POC1B: variants seen among roughly 807,000 people sequenced by gnomAD.
POC1B encodes POC1 centriolar protein homolog B.
Under a neutral mutation model 60.6 loss-of-function variants are expected in POC1B, and 44 were observed. The observed-to-expected ratio is 0.73, with a 90% CI of 0.57 to 0.93. The LOEUF (loss-of-function observed/expected upper bound fraction) is 0.93, where lower values mean the gene tolerates loss of function less well. POC1B is among the 40% of genes least tolerant of loss of function. The probability of loss-of-function intolerance (pLI) is 0.00; values close to 1 mark genes in which losing one functional copy is unlikely to be tolerated. For missense variants in POC1B, 555 were observed against 572.3 expected (o/e 0.97, Z 0.31); for synonymous variants, 180 against 198.9 (o/e 0.90, Z 0.80).
intron 2 of POC1B, among the ~76,000 whole-genome samples, chr12:89,514,596 C>T (rs183607884): frequency 2.0e-5 from 3 of 151,458 alleles, no homozygotes; most frequent in East Asian, 1.9e-4. Context: ...TTAGTAGAGA[C>T]GGGGTTTCAC....
intron 2 of POC1B, chr12:89,500,434 T>C: frequency 6.5e-7 from 1 of 1,545,904 alleles, no homozygotes; most frequent in Non-Finnish European, 8.9e-7. Flanking sequence ...TTCAGGCCCA[T>C]GAAGTTCGTC....
chr12:89,440,379 C>A (rs1487375535), intron 10 of POC1B, among the ~76,000 whole-genome samples: 2 of 152,136 alleles, frequency 1.3e-5, no homozygotes, highest in Non-Finnish European at 2.9e-5. Context: ...TTCTCTTATG[C>A]CAGGTACATA....
intron 2 of POC1B, chr12:89,524,609 G>A: frequency 3.8e-6 from 6 of 1,563,070 alleles, no homozygotes; most frequent in Non-Finnish European, 8.8e-7. Flanking sequence ...GGGGAAGGGC[G>A]GCGGAACCCA....
chr12:89,422,040 CTT>C (rs35124335), intron 11 of POC1B, among the ~76,000 whole-genome samples: 3 of 150,228 alleles, frequency 2.0e-5, no homozygotes, highest in African/African-American at 4.9e-5. Flanking sequence ...TCTTTTGTAT[CTT>C]TTTTTTTTAA....
chr12:89,418,844 A>G (rs1407232810), downstream of POC1B, among the ~76,000 whole-genome samples: 6 of 152,142 alleles, frequency 3.9e-5, no homozygotes, highest in African/African-American at 1.2e-4. Flanking sequence ...TATGAGCCAA[A>G]TACACCTCTT....
At chr12:89,491,898 A>G in intron 4 of POC1B, 38 bp downstream of exon 4, 1 of 1,430,738 alleles carries the variant, frequency 7.0e-7, no homozygotes, top group South Asian at 1.7e-5. Flanking sequence ...AGCAGAAAAA[A>G]TATGTGGACA....
At chr12:89,440,934 A>G (rs886517731) in intron 10 of POC1B, among the ~76,000 whole-genome samples, 1 of 152,188 alleles carries the variant, frequency 6.6e-6, no homozygotes, top group African/African-American at 2.4e-5. Context: ...CGCTTTTCCA[A>G]TGGTCTTAGC....
chr12:89,406,572 G>A, the POC1B span, among the ~76,000 whole-genome samples: 8 of 152,028 alleles, frequency 5.3e-5, no homozygotes, highest in African/African-American at 1.4e-4. Context: ...GTTCTGGCAC[G>A]AATCCATCAC....
rs989152329 is a variant in POC1B at position 89,479,205 on chromosome 12, C to T, written c.453-6930G>A. ...CTTTTATAATATAACCACTGCATTC[C>T]ATTTCCCCATGTAAACATATTTTCA... On this transcript the variant is annotated intron_variant, in intron 4 of 11. Coordinates refer to ENST00000313546, the MANE Select transcript of POC1B (RefSeq NM_172240.3). Among the ~76,000 whole-genome samples the T allele has an allele frequency of 4.6e-5, 7 of 152,108 alleles. 1 individual carries two copies. Among genetic ancestry groups the T allele is most frequent in the Admixed American group, 4.6e-4 (7 of 15,270 alleles).
intron 4 of POC1B, among the ~76,000 whole-genome samples, 182 bp downstream of exon 4, chr12:89,491,754 A>T (rs1868987630): frequency 6.6e-6 from 1 of 152,008 alleles, no homozygotes; most frequent in South Asian, 2.1e-4. Flanking sequence ...GTCTCTCTGG[A>T]ATGTAAGAAC....
chr12:89,523,855 C>A (rs1479339804), intron 2 of POC1B: 1 of 1,555,406 alleles, frequency 6.4e-7, no homozygotes, highest in Non-Finnish European at 8.6e-7. Flanking sequence ...ACCGGAATTA[C>A]ACTCACAGTG....
At chr12:89,477,628 A>G (rs1048752583) in intron 4 of POC1B, among the ~76,000 whole-genome samples, 6 of 151,980 alleles carry the variant, frequency 3.9e-5, no homozygotes, top group Non-Finnish European at 8.8e-5. Context: ...TTTCTCTTCT[A>G]CTTCCCCACA....
downstream of POC1B, among the ~76,000 whole-genome samples, chr12:89,418,191 T>C (rs1203061820): frequency 1.3e-5 from 2 of 152,110 alleles, no homozygotes; most frequent in Non-Finnish European, 2.9e-5. Flanking sequence ...GGTTGAATGT[T>C]TTAAGGCATT....
At chr12:89,456,966 G>A (rs1050413524) in intron 10 of POC1B, among the ~76,000 whole-genome samples, 2 of 152,258 alleles carry the variant, frequency 1.3e-5, no homozygotes, top group Non-Finnish European at 2.9e-5. Flanking sequence ...AAGGTTTAAA[G>A]AGACATCTTT....
At chr12:89,438,000 G>A (rs1006947927) in intron 10 of POC1B, among the ~76,000 whole-genome samples, 2 of 148,936 alleles carry the variant, frequency 1.3e-5, no homozygotes, top group Non-Finnish European at 3.0e-5. Context: ...GCAGTGAGCC[G>A]ACATTGTGCC....
chr12:89,478,640 C>T (rs2135725575), intron 4 of POC1B, among the ~76,000 whole-genome samples: 1 of 152,202 alleles, frequency 6.6e-6, no homozygotes, highest in South Asian at 2.1e-4. Context: ...TGAGAAAAAT[C>T]TTTGCAATTC....
At chr12:89,503,108 C>CCTATCA (rs1869668667) in intron 2 of POC1B, among the ~76,000 whole-genome samples, 1 of 151,904 alleles carries the variant, frequency 6.6e-6, no homozygotes, top group Admixed American at 6.6e-5. Context: ...TATCCCTATC[C>CCTATCA]CTCTCTCCCC....
rs759665142 is a variant in POC1B, at chr12:89,421,165, T to G, written c.1425A>C (p.Gln475His). 15 of 1,589,974 alleles carry G rather than the reference T, an allele frequency of 9.4e-6. No individual in the cohort carries two copies. The highest frequency in any genetic ancestry group is 1.3e-5 in the Non-Finnish European group (15 of 1,161,554). ...ATGAATTTTTTATTCAGCTTTTCTG[T>G]TGGACAGCACTGAAAAGCTTTTGCT... is the stretch of plus-strand genomic sequence containing the variant. ...ENQQKLFSAVQQKS is the reference protein window; with the variant it reads ...ENQQKLFSAVHQKS The change falls in exon 12 of 12, where the codon CAA becomes CAC. Residue 475 changes from glutamine to histidine, a missense_variant. Gln to His is a conservative substitution (Grantham distance 24). Transcript: ENST00000313546.
chr12:89,464,486 T>TTTC, intron 9 of POC1B, among the ~76,000 whole-genome samples: 1 of 138,684 alleles, frequency 7.2e-6, no homozygotes, highest in South Asian at 2.4e-4. Context: ...TATAAGAGTT[T>TTTC]TTTTTTTTTT....
Sources: allele counts gnomAD v4.1 joint callset (sites outside exome capture counted in the v4.1 genomes callset), GRCh38; gene constraint gnomAD v4.1.1; transcripts MANE v1.5; gene names NCBI Gene and HGNC (gene_info 2026-07-23, HGNC 2026-07-21).